The following FUT8 variants were observed in gnomAD, a reference collection of about 807,000 sequenced individuals.
FUT8 encodes fucosyltransferase 8.
FUT8 carries 29 observed loss-of-function variants against 71.3 expected under a neutral mutation model. That is an observed-to-expected ratio of 0.41 (90% confidence interval 0.30 to 0.55). The LOEUF is 0.55. Among genes scored for constraint, FUT8 ranks in the 20% least tolerant of loss-of-function variants. The probability of loss-of-function intolerance (pLI) is 0.34; values close to 1 mark genes in which losing one functional copy is unlikely to be tolerated. For missense variants in FUT8, 544 were observed against 702.1 expected, an observed-to-expected ratio of 0.77 and a Z score of 2.55; for synonymous variants, 254 against 239.3, an observed-to-expected ratio of 1.06 and a Z score of -0.57.
At chr14:65,656,138 A>G (rs1312303199) in intron 6 of FUT8, among the ~76,000 whole-genome samples, 1 of 152,138 alleles carries the variant, frequency 6.6e-6, no homozygotes, top group Non-Finnish European at 1.5e-5. Context: ...AATGACCAAC[A>G]TCCAAATTAG....
At chr14:65,389,791 A>G in the FUT8 span, among the ~76,000 whole-genome samples, 2 of 151,760 alleles carry the variant, frequency 1.3e-5, no homozygotes, top group East Asian at 3.9e-4. Context: ...TCTTTAATTT[A>G]TATAATAATT....
At chr14:65,578,367 A>G (rs1485078711) in intron 3 of FUT8, among the ~76,000 whole-genome samples, 2 of 152,154 alleles carry the variant, frequency 1.3e-5, no homozygotes, top group African/African-American at 4.8e-5. Flanking sequence ...ACCCTGGGCT[A>G]TTTCTTACGT....
At chr14:65,648,953 T>TC (rs1287164997) in intron 6 of FUT8, among the ~76,000 whole-genome samples, 3 of 152,308 alleles carry the variant, frequency 2.0e-5, no homozygotes, top group African/African-American at 7.2e-5. Context: ...TTTGGAGAAG[T>TC]AGGGAGTCTC....
At chr14:65,570,439 A>G (rs1035868694) in intron 3 of FUT8, among the ~76,000 whole-genome samples, 1 of 151,130 alleles carries the variant, frequency 6.6e-6, no homozygotes, top group African/African-American at 2.4e-5. Context: ...GGGAGTGCTT[A>G]TTGTCATTAT....
chr14:65,465,578 CATCTCCAAAT>C (rs1430267246), intron 2 of FUT8, among the ~76,000 whole-genome samples: 5 of 152,212 alleles, frequency 3.3e-5, no homozygotes, highest in African/African-American at 1.2e-4. Flanking sequence ...GCTGTTTAAA[CATCTCCAAAT>C]ATTTTGAGAT....
At chr14:65,476,126 G>A (rs2066235503) in intron 2 of FUT8, among the ~76,000 whole-genome samples, 1 of 152,126 alleles carries the variant, frequency 6.6e-6, no homozygotes, top group Non-Finnish European at 1.5e-5. Context: ...TACACTATAG[G>A]ATATTAGAAC....
Position 65,522,159 on chromosome 14 carries a change from A to G in FUT8, c.-227-39178A>G, listed in dbSNP as rs1332892251. On this transcript the variant is annotated intron_variant, in intron 2 of 10. Transcript: ENST00000673929. ...TCCTTGCTGTGGAAGAACTCCTTGC[A>G]TCTAGAATCAGATTGCTTGGTTGAA... 2.6e-5 allele frequency among the ~76,000 whole-genome samples: 4 copies of G among 152,290 alleles called. No homozygotes were observed. In the East Asian group the frequency reaches 7.7e-4, roughly 29 times the overall value.
At chr14:65,454,349 G>T (rs529097119) in intron 1 of FUT8, among the ~76,000 whole-genome samples, 8 of 152,190 alleles carry the variant, frequency 5.3e-5, no homozygotes, top group African/African-American at 2.4e-5. Context: ...TATACAGGCT[G>T]GGCATGGTGG....
the FUT8 span, among the ~76,000 whole-genome samples, chr14:65,382,336 C>T: frequency 3.3e-5 from 5 of 152,036 alleles, no homozygotes; most frequent in African/African-American, 1.2e-4. Flanking sequence ...TAAATATCTA[C>T]TGATTTTTCT....
intron 7 of FUT8, among the ~76,000 whole-genome samples, chr14:65,676,243 T>A (rs2140391613): frequency 6.6e-6 from 1 of 152,216 alleles, no homozygotes; most frequent in Admixed American, 6.5e-5. Flanking sequence ...GAAAAAGCAA[T>A]ACGTATTTAG....
the FUT8 span, among the ~76,000 whole-genome samples, chr14:65,364,492 C>T: frequency 2.0e-5 from 3 of 152,148 alleles, no homozygotes; most frequent in African/African-American, 7.2e-5. Flanking sequence ...TGTGAGCCAC[C>T]GTGCCTGGCC....
intron 1 of FUT8, among the ~76,000 whole-genome samples, chr14:65,425,240 A>C (rs2065365193): frequency 6.6e-6 from 1 of 151,258 alleles, no homozygotes; most frequent in Admixed American, 6.6e-5. Context: ...AACTCGGCTC[A>C]CCACAACCTC....
the FUT8 span, among the ~76,000 whole-genome samples, chr14:65,389,703 C>T: frequency 1.3e-5 from 2 of 151,944 alleles, no homozygotes; most frequent in African/African-American, 2.4e-5. Context: ...GATCTGCCCA[C>T]CTCAGCCTTC....
intron 2 of FUT8, among the ~76,000 whole-genome samples, chr14:65,512,695 G>T (rs1882430890): frequency 6.6e-6 from 1 of 151,934 alleles, no homozygotes; most frequent in East Asian, 1.9e-4. Flanking sequence ...TGGATCATGA[G>T]GTCAAGAGTT....
rs535714272 is a variant in FUT8, at chr14:65,679,702, A to G, written c.835+10222A>G. 1.6e-3 allele frequency among the ~76,000 whole-genome samples: 251 copies of G among 152,294 alleles called. 1 individual carries two copies. Among genetic ancestry groups the G allele is most frequent in the African/African-American group, 5.9e-3 (245 of 41,550 alleles). ...TAATTTTCCTAGGGCAGTGCTTACA[A>G]ACTGTATCACATTATACTATATGTA... On this transcript the variant is annotated intron_variant, in intron 7 of 10. Transcript: ENST00000673929.
rs531852578 is a variant in FUT8 at position 65,602,514 on chromosome 14, C to T, written c.204-13464C>T. Among the ~76,000 whole-genome samples, 26 of 151,302 alleles carry T rather than the reference C, an allele frequency of 1.7e-4. 1 individual carries two copies. In the South Asian group the frequency reaches 5.5e-3, roughly 32 times the overall value. ...AAGTATCTTTTTCGTATAATGACTTCTTTTCCTCTGAGTAAATAACCAGTA... is the reference window on the plus strand; with the variant it reads ...AAGTATCTTTTTCGTATAATGACTTTTTTTCCTCTGAGTAAATAACCAGTA... On this transcript the variant is annotated intron_variant, in intron 3 of 10. Transcript: ENST00000673929.
At chr14:65,541,829 G>T (rs1486038721) in intron 2 of FUT8, among the ~76,000 whole-genome samples, 36 of 152,078 alleles carry the variant, frequency 2.4e-4, no homozygotes, top group Non-Finnish European at 2.9e-5. Context: ...AATATTTGTG[G>T]TTTTCACTCA....
At chr14:65,709,302 T>G (rs1452112073) in intron 7 of FUT8, among the ~76,000 whole-genome samples, 2 of 152,172 alleles carry the variant, frequency 1.3e-5, no homozygotes, top group Admixed American at 1.3e-4. Context: ...CTCTGTAAAA[T>G]GAAAGTTTGA....
intron 2 of FUT8, among the ~76,000 whole-genome samples, chr14:65,480,008 A>G (rs534440649): frequency 1.3e-5 from 2 of 152,120 alleles, no homozygotes; most frequent in East Asian, 1.9e-4. Flanking sequence ...ACTTCTTACT[A>G]TGATTGGTTC....
Sources: allele counts gnomAD v4.1 joint callset (sites outside exome capture counted in the v4.1 genomes callset), GRCh38; gene constraint gnomAD v4.1.1; transcripts MANE v1.5; gene names NCBI Gene and HGNC (gene_info 2026-07-23, HGNC 2026-07-21).